The following PPM1H variants were observed in gnomAD, a reference collection of about 807,000 sequenced individuals.
PPM1H encodes protein phosphatase, Mg2+/Mn2+ dependent 1H.
In PPM1H, 27 loss-of-function variants were observed where a neutral mutation model predicts 54.9. The observed-to-expected ratio is 0.49, with a 90% CI of 0.36 to 0.68. PPM1H has a LOEUF of 0.68. Among genes scored for constraint, PPM1H ranks in the 30% least tolerant of loss-of-function variants. PPM1H has a pLI of 0.00. For synonymous variants in PPM1H, 305 were observed against 270.8 expected, an observed-to-expected ratio of 1.13 and a Z score of -1.24; for missense variants, 596 against 667.8, an observed-to-expected ratio of 0.89 and a Z score of 1.19.
At position 62,644,151 on chromosome 12, in the gene PPM1H, A is replaced by G. The variant is rs2075773064; in HGVS notation, c.*4338T>C. The G allele has an allele frequency of 1.3e-5, 2 of 152,202 alleles. No individual in the cohort carries two copies. The highest frequency in any genetic ancestry group is 1.9e-4 in the East Asian group (1 of 5,204). 9.4% of individuals were successfully genotyped at this position (152,202 alleles called of 1,614,324 possible). A position where few individuals can be genotyped will look rare whatever the true frequency, so the allele number is the denominator to read the frequency against. On this transcript the variant is annotated 3_prime_UTR_variant, in exon 10 of 10. Transcript: ENST00000228705. ...TCATTTTGGGGTTACAAAAAAGTCA[A>G]TGTTTCACAATCACAAAGCATAAAG...
At chr12:62,702,714 A>T (rs2076151353) in intron 6 of PPM1H, among the ~76,000 whole-genome samples, 1 of 152,202 alleles carries the variant, frequency 6.6e-6, no homozygotes, top group Non-Finnish European at 1.5e-5. Context: ...GGGACAGCAT[A>T]ATCTCAACAA....
intron 2 of PPM1H, among the ~76,000 whole-genome samples, chr12:62,807,120 T>A (rs575686460): frequency 1.5e-4 from 23 of 152,226 alleles, no homozygotes; most frequent in African/African-American, 5.5e-4. Context: ...ACCATGGCCA[T>A]GTGGCTGAGT....
intron 6 of PPM1H, among the ~76,000 whole-genome samples, chr12:62,715,446 G>C (rs1020774061): frequency 3.9e-5 from 6 of 152,042 alleles, no homozygotes; most frequent in Non-Finnish European, 8.8e-5. Context: ...CTGAGGAGAG[G>C]GGGAAGGGGA....
At chr12:62,658,295 G>T (rs1215376246) in intron 9 of PPM1H, among the ~76,000 whole-genome samples, 1 of 150,576 alleles carries the variant, frequency 6.6e-6, no homozygotes, top group Non-Finnish European at 1.5e-5. Flanking sequence ...TGGGCACTGG[G>T]AATGTGAATC....
At chr12:62,872,651 T>C (rs1001788455) in intron 1 of PPM1H, among the ~76,000 whole-genome samples, 1 of 152,226 alleles carries the variant, frequency 6.6e-6, no homozygotes, top group East Asian at 1.9e-4. Flanking sequence ...GCAGTCACCA[T>C]GCAAACATGG....
chr12:62,689,977 G>A (rs559368402), intron 7 of PPM1H, among the ~76,000 whole-genome samples, 171 bp from the exon 8 acceptor site: 1 of 152,280 alleles, frequency 6.6e-6, no homozygotes, highest in South Asian at 2.1e-4. Context: ...CCAAGAAAGG[G>A]CTCACCAAAA....
chr12:62,709,490 TG>T (rs1286462797), intron 6 of PPM1H, among the ~76,000 whole-genome samples: 1 of 152,170 alleles, frequency 6.6e-6, no homozygotes, highest in African/African-American at 2.4e-5. Flanking sequence ...GCTGGCACAG[TG>T]CCCTTTGCTC....
At chr12:62,823,180 C>A (rs1565799750) in intron 2 of PPM1H, among the ~76,000 whole-genome samples, 1 of 152,112 alleles carries the variant, frequency 6.6e-6, no homozygotes, top group African/African-American at 2.4e-5. Flanking sequence ...TACACCCTCC[C>A]AAGACTAAAT....
At chr12:62,824,412 T>C (rs1868264984) in intron 2 of PPM1H, among the ~76,000 whole-genome samples, 1 of 152,172 alleles carries the variant, frequency 6.6e-6, no homozygotes, top group East Asian at 1.9e-4. Context: ...TTAGAGTTCA[T>C]ATGGAACCAA....
At chr12:62,778,509 G>T (rs1315303301) in intron 4 of PPM1H, among the ~76,000 whole-genome samples, 9 of 152,152 alleles carry the variant, frequency 5.9e-5, no homozygotes, top group Admixed American at 5.9e-4. Flanking sequence ...AAGAGCTCTT[G>T]GAAGCCAAGA....
chr12:62,752,763 T>A (rs527307236), intron 4 of PPM1H, among the ~76,000 whole-genome samples: 2 of 152,292 alleles, frequency 1.3e-5, no homozygotes, highest in African/African-American at 4.8e-5. Flanking sequence ...CTGAACTATG[T>A]CTGTGGAAAC....
At chr12:62,714,251 ATGGCCACATG>A (rs1423676261) in intron 6 of PPM1H, among the ~76,000 whole-genome samples, 1 of 152,252 alleles carries the variant, frequency 6.6e-6, no homozygotes, top group Non-Finnish European at 1.5e-5. Context: ...GCTAATTTAA[ATGGCCACATG>A]TGGCTAGTGG....
At chr12:62,766,132 G>C (rs2076541979) in intron 4 of PPM1H, among the ~76,000 whole-genome samples, 2 of 152,166 alleles carry the variant, frequency 1.3e-5, no homozygotes, top group Non-Finnish European at 1.5e-5. Context: ...AACAGGGATT[G>C]ATGACAGAAG....
intron 1 of PPM1H, among the ~76,000 whole-genome samples, chr12:62,921,224 C>T (rs1222186633): frequency 6.6e-6 from 1 of 152,026 alleles, no homozygotes; most frequent in Non-Finnish European, 1.5e-5. Context: ...CCACCACGCC[C>T]GTTCATATTT....
At position 62,929,562 on chromosome 12, in the gene PPM1H, T is replaced by G. The variant is rs1185707057; in HGVS notation, c.245+4930A>C. On this transcript the variant is annotated intron_variant, in intron 1 of 9. Transcript: ENST00000228705. Reference sequence around the variant, plus strand: ...TTGAAAGCACTGTATAGTGGGGTCATAGCAGAGATGCGGATGTCTACCTAA... The same window carrying G: ...TTGAAAGCACTGTATAGTGGGGTCAGAGCAGAGATGCGGATGTCTACCTAA... Among the ~76,000 whole-genome samples, 7 of 152,310 alleles carry G rather than the reference T, an allele frequency of 4.6e-5. No individual in the cohort carries two copies. In the East Asian group the frequency reaches 1.2e-3, roughly 25 times the overall value.
intron 1 of PPM1H, among the ~76,000 whole-genome samples, chr12:62,909,044 A>G (rs1434224822): frequency 1.1e-4 from 17 of 151,974 alleles, no homozygotes; most frequent in Non-Finnish European, 2.9e-5. Flanking sequence ...CTTCTTAAGT[A>G]TTAGAAAATG....
rs61003358 is a variant in PPM1H, at chr12:62,932,628, C to CTTTTTTTTTTTTTTTTTTTTTT, written c.245+1842_245+1863dup. Among the ~76,000 whole-genome samples the CTTTTTTTTTTTTTTTTTTTTTT allele has an allele frequency of 1.2e-3, 66 of 54,008 alleles. 27 individuals carry two copies. The highest frequency in any genetic ancestry group is 0.036 in the Middle Eastern group (1 of 28). 35.4% of individuals were successfully genotyped at this position (54,008 alleles called of 152,430 possible). On this transcript the variant is annotated intron_variant, in intron 1 of 9. Transcript: ENST00000228705. The stretch of plus-strand genomic sequence containing the variant: ...CTGTCTCGTAAAGGGTCCAAATGGG[C>CTTTTTTTTTTTTTTTTTTTTTT]TTTTTTTTTTTTTTTTTTTTTTTGA...
intron 9 of PPM1H, among the ~76,000 whole-genome samples, chr12:62,656,400 T>G (rs1261587993): frequency 6.6e-6 from 1 of 152,210 alleles, no homozygotes; most frequent in African/African-American, 2.4e-5. Flanking sequence ...TAAGTGTTAG[T>G]TATGTTCCTT....
At position 62,648,633 on chromosome 12, in the gene PPM1H, G is replaced by A; in HGVS notation, c.1401C>T (p.Tyr467=). 6.2e-7 allele frequency: 1 copy of A among 1,613,776 alleles called. No individual in the cohort carries two copies. The highest frequency in any genetic ancestry group is 1.1e-5 in the South Asian group (1 of 91,068). ...PNCDPDDPHR[Y]TLAAQDLVMR... Reference sequence around the variant, plus strand: ...TCACCAGGTCCTGAGCTGCCAGTGTGTACCTACACAGGAGAACCAGGAACG... The same window carrying A: ...TCACCAGGTCCTGAGCTGCCAGTGTATACCTACACAGGAGAACCAGGAACG... The change falls in exon 10 of 10, where the codon TAC becomes TAT. Residue 467 remains tyrosine (Y), a synonymous_variant. Transcript: ENST00000228705.
Sources: gnomAD v4.1 joint callset for allele counts (sites outside exome capture counted in the v4.1 genomes callset) on GRCh38, gnomAD v4.1.1 for gene constraint, MANE v1.5 for transcripts, NCBI Gene and HGNC (gene_info 2026-07-23, HGNC 2026-07-21) for gene names.